The following ZCCHC4 variants were observed in gnomAD, a reference collection of about 807,000 sequenced individuals.
ZCCHC4 encodes the protein zinc finger CCHC-type containing 4.
Under a neutral mutation model 67.7 loss-of-function variants are expected in ZCCHC4, and 54 were observed. The ratio of observed to expected loss-of-function variants is 0.80; its 90% CI spans 0.64 to 1.00. ZCCHC4 has a LOEUF of 1.00. ZCCHC4 is among the 50% of genes least tolerant of loss of function. The probability of loss-of-function intolerance (pLI) is 0.00; values close to 1 mark genes in which losing one functional copy is unlikely to be tolerated. For missense variants in ZCCHC4, 609 were observed against 617.0 expected (o/e 0.99, Z 0.14); for synonymous variants, 198 against 213.5 (o/e 0.93, Z 0.63).
chr4:25,336,233 A>G (rs1465101083), intron 5 of ZCCHC4, among the ~76,000 whole-genome samples: 4 of 152,196 alleles, frequency 2.6e-5, no homozygotes, highest in Non-Finnish European at 5.9e-5. Context: ...ATAGAATAAT[A>G]AAATCTATGA....
At chr4:25,366,206 C>T (rs1720940186) in intron 12 of ZCCHC4, 1 of 966,968 alleles carries the variant, frequency 1.0e-6, no homozygotes, top group Admixed American at 6.2e-5. Context: ...GCTACTATTA[C>T]AACTGCCTCG....
In ZCCHC4 at chr4:25,349,566, G is replaced by A. The variant is rs200166327; in HGVS notation, c.834G>A (p.Pro278=). ...GAATCATTATGGTGACGGATCCTCC[G>A]TTTGGTGGCTTGGTTGAACCTCTGG... The part of the protein sequence containing the change: ...GEGIIMVTDP[P]FGGLVEPLAI... Residue 278 remains proline (P), a synonymous_variant, in exon 7 of 13, where the codon CCG becomes CCA. Transcript: ENST00000302874. 267 of 1,613,902 alleles carry A rather than the reference G, an allele frequency of 1.7e-4. 1 individual carries two copies. The highest frequency in any genetic ancestry group is 1.2e-3 in the Middle Eastern group (7 of 6,082).
At chr4:25,363,289 G>T (rs983655281) in intron 10 of ZCCHC4, among the ~76,000 whole-genome samples, 3 of 152,072 alleles carry the variant, frequency 2.0e-5, no homozygotes, top group African/African-American at 7.2e-5. Flanking sequence ...TTTCAGATTG[G>T]CTTCTTTCAC....
At chr4:25,349,404 A>G (rs747191904) in intron 6 of ZCCHC4, 88 bp from the exon 7 acceptor site, 8 of 1,310,142 alleles carry the variant, frequency 6.1e-6, no homozygotes, top group Non-Finnish European at 8.5e-6. Context: ...GTATTAAGAG[A>G]GAGACTGAGT....
rs534640402 is a variant in ZCCHC4, at chr4:25,333,195, T to G, written c.342T>G (p.Phe114Leu). 3.1e-6 allele frequency: 5 copies of G among 1,612,498 alleles called. No individual in the cohort carries two copies. The African/African-American group carries it at 6.7e-5, about 22-fold the overall frequency. ...RTQCVERYLK[F>L]IELPLTQRKF... ...TTTTGTCTTGAAGGTACTTGAAGTT[T>G]ATTGAGTTGCCCTTGACTCAGAGAA... Residue 114 changes from phenylalanine (F) to leucine (L), a missense_variant, in exon 4 of 13, where the codon TTT becomes TTG. By Grantham distance (22) the Phe-to-Leu change is conservative (BLOSUM62 0). Coordinates refer to ENST00000302874, the MANE Select transcript of ZCCHC4 (RefSeq NM_024936.3).
At chr4:25,318,326 C>CT (rs150504880) in intron 3 of ZCCHC4, among the ~76,000 whole-genome samples, 51,235 of 98,964 alleles carry the variant, frequency 0.52, 12,086 homozygotes, top group Non-Finnish European at 0.62. Flanking sequence ...AACCACTGTT[C>CT]TTTTTTTTTT....
At chr4:25,346,563 G>A (rs922240859) in intron 6 of ZCCHC4, among the ~76,000 whole-genome samples, 5 of 152,158 alleles carry the variant, frequency 3.3e-5, no homozygotes, top group East Asian at 1.9e-4. Context: ...AAAAGTCAGC[G>A]TTCAGGAAAT....
At chr4:25,360,029 A>G (rs1048465905) in intron 8 of ZCCHC4, among the ~76,000 whole-genome samples, 2 of 152,214 alleles carry the variant, frequency 1.3e-5, no homozygotes, top group Admixed American at 1.3e-4. Context: ...GGACCACTTG[A>G]TGGAACTAGG....
chr4:25,325,258 A>G (rs1718814795), intron 3 of ZCCHC4, among the ~76,000 whole-genome samples: 2 of 150,546 alleles, frequency 1.3e-5, no homozygotes, highest in Non-Finnish European at 3.0e-5. Context: ...AAAAAAAAAA[A>G]AAAAAGAAAT....
intron 8 of ZCCHC4, among the ~76,000 whole-genome samples, chr4:25,354,648 TACTTTA>T (rs1385966747): frequency 6.6e-6 from 1 of 152,166 alleles, no homozygotes; most frequent in East Asian, 1.9e-4. Context: ...TTTCTTTTGT[TACTTTA>T]ACTTCATTAA....
chr4:25,338,396 A>G (rs1306220093), intron 5 of ZCCHC4, among the ~76,000 whole-genome samples: 1 of 152,084 alleles, frequency 6.6e-6, no homozygotes, highest in Non-Finnish European at 1.5e-5. Flanking sequence ...TGCCCAGCCC[A>G]TTTCTTTTTT....
intron 12 of ZCCHC4, chr4:25,365,412 A>G: frequency 7.9e-7 from 1 of 1,266,306 alleles, no homozygotes; most frequent in Non-Finnish European, 1.0e-6. Flanking sequence ...GAAAGTGGTT[A>G]ATTTTACCTC....
Position 25,351,678 on chromosome 4 carries a change from C to G in ZCCHC4, c.1000C>G (p.Leu334Val). 4 of 1,609,982 alleles carry G rather than the reference C, an allele frequency of 2.5e-6. No homozygotes were observed. Among genetic ancestry groups the G allele is most frequent in the Non-Finnish European group, 3.4e-6 (4 of 1,177,684 alleles). Reference sequence around the variant, plus strand: ...TCAGTTTTTTCCAAGCTTCCAGATGCTGGATTACCAGGTAGAGTACATATT... The same window carrying G: ...TCAGTTTTTTCCAAGCTTCCAGATGGTGGATTACCAGGTAGAGTACATATT... ...ICQFFPSFQM[L>V]DYQVDYDNHA... The change falls in exon 8 of 13, where the codon CTG (leucine) becomes GTG (valine). Residue 334 changes from leucine (L) to valine (V), a missense_variant. Physicochemically the swap from Leu to Val is conservative, Grantham distance 32 (BLOSUM62 1). Coordinates refer to ENST00000302874, the MANE Select transcript of ZCCHC4 (RefSeq NM_024936.3).
At chr4:25,338,637 G>A (rs978041863) in intron 5 of ZCCHC4, among the ~76,000 whole-genome samples, 6 of 152,060 alleles carry the variant, frequency 3.9e-5, no homozygotes, top group African/African-American at 1.4e-4. Context: ...TTTTATATAA[G>A]TGGAATAATA....
At chr4:25,336,356 T>C (rs534516325) in intron 5 of ZCCHC4, among the ~76,000 whole-genome samples, 120 of 152,362 alleles carry the variant, frequency 7.9e-4, no homozygotes, top group African/African-American at 2.5e-3. Context: ...TGTATGGATA[T>C]GCATGGAGCT....
intron 1 of ZCCHC4, 58 bp from the exon 2 acceptor site, chr4:25,313,988 C>A: frequency 9.0e-7 from 1 of 1,114,802 alleles, no homozygotes; most frequent in South Asian, 1.5e-5. Context: ...AAACTAAGAA[C>A]TTGACGTAGA....
chr4:25,315,962 G>T (rs529691910), intron 3 of ZCCHC4, among the ~76,000 whole-genome samples: 1 of 152,004 alleles, frequency 6.6e-6, no homozygotes, highest in Non-Finnish European at 1.5e-5. Flanking sequence ...CAAGGGATCC[G>T]CCCACCTCAG....
Position 25,333,330 on chromosome 4 carries a change from A to G in ZCCHC4, c.477A>G (p.Gln159=). 1 of 1,613,842 alleles carries G rather than the reference A, an allele frequency of 6.2e-7. No individual in the cohort carries two copies. The highest frequency in any genetic ancestry group is 8.5e-7 in the Non-Finnish European group (1 of 1,179,960). The change falls in exon 4 of 13, where the codon CAA becomes CAG. Residue 159 remains glutamine (Q), a synonymous_variant. Coordinates refer to ENST00000302874, the MANE Select transcript of ZCCHC4 (RefSeq NM_024936.3). ...VSITQLRRPS[Q]LLYPLENKKT... is the part of the protein sequence containing the mutation. ...TTACCCAGTTAAGAAGGCCCAGTCA[A>G]CTCCTTTATCCACTGGAAAACAAGA...
intron 12 of ZCCHC4, chr4:25,365,889 A>G (rs1720921799): frequency 1.0e-6 from 1 of 984,216 alleles, no homozygotes; most frequent in Non-Finnish European, 1.2e-6. Flanking sequence ...TTTCCTAACT[A>G]AAAGGGATGA....
Sources: gnomAD v4.1 joint callset for allele counts (sites outside exome capture counted in the v4.1 genomes callset) on GRCh38, gnomAD v4.1.1 for gene constraint, MANE v1.5 for transcripts, NCBI Gene and HGNC (gene_info 2026-07-23, HGNC 2026-07-21) for gene names.